SNX8: variants seen among roughly 807,000 people sequenced by gnomAD.
The protein encoded by SNX8 is sorting nexin-8.
In SNX8, 25 loss-of-function variants were observed where a neutral mutation model predicts 51.6. The observed-to-expected ratio is 0.48, with a 90% confidence interval of 0.35 to 0.68. The LOEUF (loss-of-function observed/expected upper bound fraction) is 0.68, where lower values mean the gene tolerates loss of function less well. Among genes scored for constraint, SNX8 ranks in the 30% least tolerant of loss-of-function variants. The probability of loss-of-function intolerance (pLI) is 0.00; values close to 1 mark genes in which losing one functional copy is unlikely to be tolerated. For synonymous variants in SNX8, 324 were observed against 277.0 expected (o/e 1.17, Z -1.68); for missense variants, 695 against 624.0 (o/e 1.11, Z -1.21).
At chr7:2,267,910 CGTCTCTG>C (rs1795512744) in intron 5 of SNX8, among the ~76,000 whole-genome samples, 1 of 107,964 alleles carries the variant, frequency 9.3e-6, no homozygotes, top group African/African-American at 3.8e-5. Context: ...AAGTGAGGAG[CGTCTCTG>C]CCCGGCCGCC....
intron 2 of SNX8, among the ~76,000 whole-genome samples, chr7:2,277,448 C>T (rs1024598202): frequency 7.2e-5 from 11 of 152,228 alleles, no homozygotes; most frequent in African/African-American, 2.6e-4. Context: ...TATTACAAAG[C>T]GAGGCTGGTG....
chr7:2,263,395 T>C (rs1055903259), intron 6 of SNX8, 33 bp from the exon 7 acceptor site: 2 of 1,554,330 alleles, frequency 1.3e-6, no homozygotes, highest in Non-Finnish European at 1.7e-6. Context: ...GAGGAGACAC[T>C]CAAGGCCTGG....
chr7:2,272,101 G>T, intron 3 of SNX8, 130 bp from the exon 4 acceptor site: 1 of 1,263,268 alleles, frequency 7.9e-7, no homozygotes, highest in Non-Finnish European at 1.1e-6. Flanking sequence ...CACTGGCTGG[G>T]CCCCCAGTGC....
intron 1 of SNX8, among the ~76,000 whole-genome samples, chr7:2,306,918 C>T (rs1420208550): frequency 2.6e-5 from 4 of 152,156 alleles, no homozygotes; most frequent in Non-Finnish European, 5.9e-5. Flanking sequence ...CGTAACTGGG[C>T]TTCTTGAAAG....
chr7:2,353,212 A>G (rs1222580025), intron 1 of SNX8, among the ~76,000 whole-genome samples: 2 of 151,968 alleles, frequency 1.3e-5, no homozygotes, highest in East Asian at 1.9e-4. Context: ...TGAACTGTAC[A>G]CTAAATTGCA....
In SNX8 at chr7:2,253,309, A is replaced by G. The variant is rs1478006897; in HGVS notation, c.*1747T>C. 6.5e-6 allele frequency: 1 copy of G among 154,354 alleles called. No homozygotes were observed. Among genetic ancestry groups the G allele is most frequent in the Non-Finnish European group, 1.5e-5 (1 of 68,540 alleles). 9.6% of individuals were successfully genotyped at this position (154,354 alleles called of 1,614,324 possible). On this transcript the variant is annotated 3_prime_UTR_variant, in exon 11 of 11. Coordinates refer to ENST00000222990, the MANE Select transcript of SNX8 (RefSeq NM_013321.4). ...GAGGCCCCAGCACCTGATGCCCTCC[A>G]CGACTCCCCACAGCCTCTATGGTCC...
At position 2,252,891 on chromosome 7, in the gene SNX8, GCT is replaced by G. The variant is rs67106537; in HGVS notation, c.*2163_*2164del. The G allele has an allele frequency of 0.51, 16,769 of 32,858 alleles. 5,408 individuals carry two copies. Among genetic ancestry groups the G allele is most frequent in the Non-Finnish European group, 0.62 (10,493 of 16,850 alleles). 2.0% of individuals were successfully genotyped at this position (32,858 alleles called of 1,614,324 possible). The stretch of plus-strand genomic sequence containing the variant: ...CCTGCTCTCTCACCCCTGCCCCCTT[GCT>G]CTCTCACCCCTGCCCTCCTGTCCCA... On this transcript the variant is annotated 3_prime_UTR_variant, in exon 11 of 11. Transcript: ENST00000222990.
intron 1 of SNX8, chr7:2,310,074 TA>T: frequency 2.8e-6 from 1 of 357,220 alleles, no homozygotes; most frequent in Admixed American, 3.7e-5. Flanking sequence ...AGAGTCAATG[TA>T]GGGCCGCAGG....
Position 2,257,396 on chromosome 7 carries a change from G to C in SNX8, c.1103C>G (p.Ser368Cys). ...AATGCGGGACTCCAGCTGCTCCACG[G>C]ACTCCGGCTCGCGGTTCTGCGCGGT... Reference protein sequence around the residue: ...SATAQNREPESVEQLESRIVE... With the variant: ...SATAQNREPECVEQLESRIVE... The change falls in exon 9 of 11, where the codon TCC (serine) becomes TGC (cysteine). Residue 368 changes from serine (S) to cysteine (C), a missense_variant. Physicochemically the swap from Ser to Cys is moderately radical, Grantham distance 112. Transcript: ENST00000222990. 4 of 1,610,030 alleles carry C rather than the reference G, an allele frequency of 2.5e-6. No individual in the cohort carries two copies. In the South Asian group the frequency reaches 3.3e-5, roughly 13 times the overall value.
upstream of SNX8, among the ~76,000 whole-genome samples, chr7:2,319,077 G>A (rs1291961865): frequency 3.3e-5 from 5 of 152,034 alleles, no homozygotes; most frequent in African/African-American, 4.8e-5. Flanking sequence ...GGTGGCTCAC[G>A]CCTGTAACCC....
At chr7:2,273,892 A>C (rs1182856773) in intron 3 of SNX8, among the ~76,000 whole-genome samples, 1 of 151,130 alleles carries the variant, frequency 6.6e-6, no homozygotes, top group East Asian at 1.9e-4. Context: ...CGACAGAGCG[A>C]GACTCCATGT....
At chr7:2,284,419 T>TTG (rs1795975659) in intron 1 of SNX8, among the ~76,000 whole-genome samples, 1 of 146,868 alleles carries the variant, frequency 6.8e-6, no homozygotes, top group South Asian at 2.2e-4. Context: ...TTTTTTTTTT[T>TTG]GAGACAGAGT....
chr7:2,258,008 CTT>C (rs59062161), intron 7 of SNX8, among the ~76,000 whole-genome samples: 11 of 126,624 alleles, frequency 8.7e-5, no homozygotes, highest in South Asian at 2.6e-4. Flanking sequence ...GCCCAGCAGT[CTT>C]TTTTTTTTTT....
chr7:2,282,990 G>A (rs190798914), intron 1 of SNX8, among the ~76,000 whole-genome samples: 25 of 151,800 alleles, frequency 1.6e-4, no homozygotes, highest in African/African-American at 5.3e-4. Flanking sequence ...GCGTGGTGGC[G>A]GAAGCCTGTA....
At chr7:2,277,126 C>T (rs1411228705) in intron 2 of SNX8, among the ~76,000 whole-genome samples, 1 of 152,178 alleles carries the variant, frequency 6.6e-6, no homozygotes, top group Non-Finnish European at 1.5e-5. Context: ...CTCCACACCT[C>T]CCAAGGACAG....
intron 1 of SNX8, among the ~76,000 whole-genome samples, chr7:2,345,296 T>C (rs556686260): frequency 2.6e-5 from 4 of 152,106 alleles, no homozygotes; most frequent in African/African-American, 9.7e-5. Flanking sequence ...GAAAACATCA[T>C]TGTGGGTGAA....
chr7:2,295,437 G>A (rs1428158122), intron 1 of SNX8, among the ~76,000 whole-genome samples: 3 of 149,712 alleles, frequency 2.0e-5, no homozygotes, highest in East Asian at 2.0e-4. Flanking sequence ...AGGCACGGAG[G>A]CACACACCTG....
upstream of SNX8, among the ~76,000 whole-genome samples, chr7:2,315,192 GCATT>G (rs1354078136): frequency 4.1e-4 from 55 of 135,094 alleles, no homozygotes; most frequent in Non-Finnish European, 4.7e-4. Flanking sequence ...ACTGCATCCT[GCATT>G]CATTCATTCA....
intron 1 of SNX8, among the ~76,000 whole-genome samples, chr7:2,279,370 C>T (rs1003767184): frequency 6.6e-6 from 1 of 152,140 alleles, no homozygotes; most frequent in Non-Finnish European, 1.5e-5. Context: ...GACTCACTCA[C>T]ACTACACCCA....
Sources: allele counts gnomAD v4.1 joint callset (sites outside exome capture counted in the v4.1 genomes callset), GRCh38; gene constraint gnomAD v4.1.1; transcripts MANE v1.5; gene names NCBI Gene and HGNC (gene_info 2026-07-23, HGNC 2026-07-21).